CSNK2A2IP: variants seen among roughly 807,000 people sequenced by gnomAD.
CSNK2A2IP encodes casein kinase II subunit alpha'-interacting protein.
chr3:88,465,567 G>T, the CSNK2A2IP span: 2 of 1,231,578 alleles, frequency 1.6e-6, no homozygotes, highest in Non-Finnish European at 2.0e-6. Flanking sequence ...GCTCAGTATT[G>T]CCTTCTCCCA....
chr3:88,457,694 T>TCAAAATAAAATAAAA, the CSNK2A2IP span, among the ~76,000 whole-genome samples: 1 of 45,840 alleles, frequency 2.2e-5, no homozygotes, highest in Non-Finnish European at 4.2e-5. Context: ...AGACTCAGTC[T>TCAAAATAAAATAAAA]CAAAATAAAA....
the CSNK2A2IP span, among the ~76,000 whole-genome samples, chr3:88,354,506 T>C: frequency 1.3e-5 from 2 of 152,094 alleles, no homozygotes; most frequent in African/African-American, 4.8e-5. Flanking sequence ...AAAACAGGCA[T>C]TGTAGGCAAA....
chr3:88,443,261 C>T, the CSNK2A2IP span, among the ~76,000 whole-genome samples: 8 of 152,104 alleles, frequency 5.3e-5, no homozygotes, highest in African/African-American at 1.7e-4. Flanking sequence ...GGCACTGCTG[C>T]TCATTATAAA....
chr3:88,464,691 C>A, the CSNK2A2IP span, among the ~76,000 whole-genome samples: 438 of 152,012 alleles, frequency 2.9e-3, 2 homozygotes, highest in African/African-American at 9.9e-3. Context: ...TTGAAGTTTT[C>A]TTTTTATTTT....
chr3:88,439,396 T>G, the CSNK2A2IP span, among the ~76,000 whole-genome samples: 1 of 151,948 alleles, frequency 6.6e-6, no homozygotes, highest in South Asian at 2.1e-4. Context: ...TCTGTAAACC[T>G]TTTTAGGTTT....
chr3:88,444,013 G>A, the CSNK2A2IP span, among the ~76,000 whole-genome samples: 1 of 151,424 alleles, frequency 6.6e-6, no homozygotes, highest in African/African-American at 2.4e-5. Flanking sequence ...ACAACATATG[G>A]CAAAATTCTT....
the CSNK2A2IP span, among the ~76,000 whole-genome samples, chr3:88,405,382 G>T: frequency 6.6e-6 from 1 of 152,086 alleles, no homozygotes; most frequent in African/African-American, 2.4e-5. Context: ...GCTTAGGCAG[G>T]ATGTTTGCTA....
At chr3:88,359,359 T>G in the CSNK2A2IP span, among the ~76,000 whole-genome samples, 1 of 152,006 alleles carries the variant, frequency 6.6e-6, no homozygotes, top group African/African-American at 2.4e-5. Flanking sequence ...TTTTTTTGGT[T>G]TTGATTTATT....
chr3:88,423,934 C>T, the CSNK2A2IP span, among the ~76,000 whole-genome samples: 1 of 152,252 alleles, frequency 6.6e-6, no homozygotes, highest in East Asian at 1.9e-4. Flanking sequence ...CTAGAAATCT[C>T]TAAAACCCTT....
the CSNK2A2IP span, among the ~76,000 whole-genome samples, chr3:88,374,517 AG>A: frequency 6.6e-6 from 1 of 151,686 alleles, no homozygotes; most frequent in Non-Finnish European, 1.5e-5. Context: ...CCTTCTTAAA[AG>A]TCTACCAGTA....
At chr3:88,453,581 C>G in the CSNK2A2IP span, among the ~76,000 whole-genome samples, 8 of 151,978 alleles carry the variant, frequency 5.3e-5, no homozygotes, top group Non-Finnish European at 1.0e-4. Flanking sequence ...TTCTTTTGAA[C>G]TTGGAAGGTC....
At chr3:88,364,483 A>C in the CSNK2A2IP span, among the ~76,000 whole-genome samples, 2 of 152,076 alleles carry the variant, frequency 1.3e-5, no homozygotes, top group African/African-American at 2.4e-5. Flanking sequence ...TAAAAATATA[A>C]GGGAAAAAGA....
At chr3:88,465,617 T>A in the CSNK2A2IP span, 1 of 1,231,696 alleles carries the variant, frequency 8.1e-7, no homozygotes, top group East Asian at 3.2e-5. Flanking sequence ...TGTGATAGGT[T>A]TCTGAATTCA....
the CSNK2A2IP span, among the ~76,000 whole-genome samples, chr3:88,356,341 A>G: frequency 1.3e-5 from 2 of 152,086 alleles, no homozygotes; most frequent in African/African-American, 2.4e-5. Flanking sequence ...ATGAGTGAGA[A>G]CATGTGATAT....
At chr3:88,412,325 G>A in the CSNK2A2IP span, among the ~76,000 whole-genome samples, 4 of 151,966 alleles carry the variant, frequency 2.6e-5, no homozygotes, top group Non-Finnish European at 4.4e-5. Context: ...CCATGGAGGG[G>A]AAAGGCCTTC....
chr3:88,463,151 A>G, the CSNK2A2IP span, among the ~76,000 whole-genome samples: 1 of 152,200 alleles, frequency 6.6e-6, no homozygotes, highest in African/African-American at 2.4e-5. Flanking sequence ...TTGGGTTGGT[A>G]AGTCATGGAA....
chr3:88,367,009 G>A, the CSNK2A2IP span, among the ~76,000 whole-genome samples: 71 of 152,062 alleles, frequency 4.7e-4, no homozygotes, highest in African/African-American at 1.3e-3. Context: ...AGGGGAAACC[G>A]CCACCATGAT....
the CSNK2A2IP span, among the ~76,000 whole-genome samples, chr3:88,354,232 T>G: frequency 6.6e-6 from 1 of 152,188 alleles, no homozygotes; most frequent in East Asian, 1.9e-4. Flanking sequence ...CCTTAGGTAT[T>G]CTTTTATGGC....
the CSNK2A2IP span, among the ~76,000 whole-genome samples, chr3:88,339,520 T>G: frequency 6.6e-6 from 1 of 152,074 alleles, no homozygotes; most frequent in Non-Finnish European, 1.5e-5. Context: ...TGCAGATACC[T>G]CTTTGATATG....
Sources: allele counts gnomAD v4.1 joint callset (sites outside exome capture counted in the v4.1 genomes callset), GRCh38; gene constraint gnomAD v4.1.1; transcripts MANE v1.5; gene names NCBI Gene and HGNC (gene_info 2026-07-23, HGNC 2026-07-21).